FOXO4: variants seen among roughly 807,000 people sequenced by gnomAD.
FOXO4 encodes forkhead box protein O4.
FOXO4 carries 3 observed loss-of-function variants against 20.8 expected under a neutral mutation model. That is an observed-to-expected ratio of 0.14 (90% CI 0.07 to 0.37). The LOEUF (loss-of-function observed/expected upper bound fraction) is 0.37, where lower values mean the gene tolerates loss of function less well. Ranked by LOEUF, FOXO4 falls within the 10% of genes least tolerant of loss-of-function variation. The pLI is 1.00. For missense variants in FOXO4, 309 were observed against 431.9 expected (o/e 0.72, Z 2.52); for synonymous variants, 158 against 180.0 (o/e 0.88, Z 0.98).
chrX:71,102,290 G>A lies in FOXO4; in HGVS notation c.*206G>A. 4.5e-6 allele frequency: 2 copies of A among 446,321 alleles called. No homozygotes were observed. The highest frequency in any genetic ancestry group is 3.4e-5 in the South Asian group (1 of 28,990). The allele number at this position is 446,321 out of a possible 1,213,427, so 36.8% of individuals were successfully genotyped here. A position where few individuals can be genotyped will look rare whatever the true frequency, so the allele number is the denominator to read the frequency against. ...TGGGGAGGGAGATGGGAGGGGAAAGGGGAGAGGGTTTTTCTCACTGTGCCA... is the reference window on the plus strand; with the variant it reads ...TGGGGAGGGAGATGGGAGGGGAAAGAGGAGAGGGTTTTTCTCACTGTGCCA... On this transcript the variant is annotated 3_prime_UTR_variant, in exon 3 of 3. Coordinates refer to ENST00000374259, the MANE Select transcript of FOXO4 (RefSeq NM_005938.4).
In FOXO4 at chrX:71,101,109, A is replaced by G; in HGVS notation, c.879A>G (p.Ala293=). The G allele has an allele frequency of 8.3e-7, 1 of 1,211,553 alleles. No homozygotes were observed. The highest frequency in any genetic ancestry group is 1.1e-6 in the Non-Finnish European group (1 of 895,304). The change falls in exon 2 of 3, where the codon GCA becomes GCG. Residue 293 remains alanine, a synonymous_variant. Transcript: ENST00000374259. Reference sequence around the variant, plus strand: ...TACCAGCTTCAGTCAGCAGTTATGCAGGGGGTGTCCCTCCCACCCTCAATG... The same window carrying G: ...TACCAGCTTCAGTCAGCAGTTATGCGGGGGGTGTCCCTCCCACCCTCAATG... ...EEIPASVSSY[A]GGVPPTLNEG...
chrX:71,102,149 T>TA lies in FOXO4; in HGVS notation c.*66dup, dbSNP rs2092233376. On this transcript the variant is annotated 3_prime_UTR_variant, in exon 3 of 3. Coordinates refer to ENST00000374259, the MANE Select transcript of FOXO4 (RefSeq NM_005938.4). ...GCCAGGCGTGTTCATATCTACTCTT[T>TA]ACCCTTGAGCCCTCCCCAGGAATTT... 8.9e-7 allele frequency: 1 copy of TA among 1,120,372 alleles called. No individual in the cohort carries two copies. The allele number at this position is 1,120,372 out of a possible 1,213,427, so 92.3% of individuals were successfully genotyped here.
Position 71,101,022 on chromosome X carries a change from C to T in FOXO4, c.792C>T (p.Ala264=). ...TTFRPRSSSN[A]SSVSTRLSPL... is the part of the protein sequence containing the mutation. ...TCCGTCCACGAAGCAGTTCAAATGC[C>T]AGCAGTGTCAGCACCCGGCTGTCCC... The change falls in exon 2 of 3, where the codon GCC becomes GCT. Residue 264 remains alanine, a synonymous_variant. Coordinates refer to ENST00000374259, the MANE Select transcript of FOXO4 (RefSeq NM_005938.4). 1 of 1,211,187 alleles carries T rather than the reference C, an allele frequency of 8.3e-7. No homozygotes were observed. Among genetic ancestry groups the T allele is most frequent in the Non-Finnish European group, 1.1e-6 (1 of 895,104 alleles).
chrX:71,098,099 G>T (rs1442369919), intron 1 of FOXO4, among the ~76,000 whole-genome samples: 1 of 111,634 alleles, frequency 9.0e-6, no homozygotes, highest in Non-Finnish European at 1.9e-5. Flanking sequence ...TTTTCCCTTA[G>T]GTTCATTTTC....
rs1012896625 is a variant in FOXO4, at chrX:71,096,277, C to T, written c.-252C>T. 1.7e-5 allele frequency: 7 copies of T among 419,012 alleles called. No individual in the cohort carries two copies. The highest frequency in any genetic ancestry group is 2.9e-5 in the Non-Finnish European group (7 of 241,304). The allele number at this position is 419,012 out of a possible 1,213,427, so 34.5% of individuals were successfully genotyped here. A position where few individuals can be genotyped will look rare whatever the true frequency, so the allele number is the denominator to read the frequency against. On this transcript the variant is annotated 5_prime_UTR_variant, in exon 1 of 3. Transcript: ENST00000374259. ...AGGTTGCAGAAAAAGTGTCTTCGCT[C>T]GGCAGAGGTTACAGGTGGCATCTCA...
chrX:71,101,620 G>T lies in FOXO4; in HGVS notation c.1390G>T (p.Asp464Tyr), dbSNP rs1215480660. Residue 464 changes from aspartate (D) to tyrosine (Y), a missense_variant, in exon 2 of 3, where the codon GAC (aspartate) becomes TAC (tyrosine). Coordinates refer to ENST00000374259, the MANE Select transcript of FOXO4 (RefSeq NM_005938.4). ...LTPPTEAASQ[D>Y]RMPQDLDLDM... ...ACCCCCTACTGAAGCTGCAAGCCAA[G>T]ACAGAATGCCTCAGGATCTAGATCT... The T allele has an allele frequency of 8.3e-7, 1 of 1,210,020 alleles. No homozygotes were observed. Among genetic ancestry groups the T allele is most frequent in the Non-Finnish European group, 1.1e-6 (1 of 894,882 alleles).
chrX:71,098,591 C>T (rs760242249), intron 1 of FOXO4, among the ~76,000 whole-genome samples: 7 of 112,061 alleles, frequency 6.2e-5, no homozygotes, highest in Non-Finnish European at 1.1e-4. Context: ...ACCACCCTGC[C>T]CTCCAACATG....
chrX:71,098,960 T>C (rs763505581), intron 1 of FOXO4, among the ~76,000 whole-genome samples: 4 of 110,944 alleles, frequency 3.6e-5, no homozygotes, highest in Non-Finnish European at 3.8e-5. Context: ...CAGGCAAAGG[T>C]GCTCCTTATC....
At chrX:71,098,153 A>G (rs1602282075) in intron 1 of FOXO4, among the ~76,000 whole-genome samples, 1 of 111,408 alleles carries the variant, frequency 9.0e-6, no homozygotes, top group Non-Finnish European at 1.9e-5. Flanking sequence ...TTGTGGGAGT[A>G]TAGTCCGTCC....
Position 71,096,163 on chromosome X carries a change from A to C in FOXO4, c.-366A>C. The C allele has an allele frequency of 1.4e-5, 3 of 209,814 alleles. No homozygotes were observed. Among genetic ancestry groups the C allele is most frequent in the Non-Finnish European group, 1.7e-5 (2 of 116,262 alleles). 17.3% of individuals were successfully genotyped at this position (209,814 alleles called of 1,213,427 possible). On this transcript the variant is annotated 5_prime_UTR_variant, in exon 1 of 3. Coordinates refer to ENST00000374259, the MANE Select transcript of FOXO4 (RefSeq NM_005938.4). Reference sequence around the variant, plus strand: ...GGCAGCAACTTAAAAGGGGGAGGGAACTGCGGCTAAGGAGACGTTCGGTGA... The same window carrying C: ...GGCAGCAACTTAAAAGGGGGAGGGACCTGCGGCTAAGGAGACGTTCGGTGA...
chrX:71,102,061 T>C lies in FOXO4; in HGVS notation c.1511-16T>C. The stretch of plus-strand genomic sequence containing the variant: ...GGTAAGCCTCTTACCTTGTTCTCTG[T>C]TTCTTCTTCCCACAGATCCCTGAGT... On this transcript the variant is annotated splice_polypyrimidine_tract_variant and intron_variant, in intron 2 of 2. Coordinates refer to ENST00000374259, the MANE Select transcript of FOXO4 (RefSeq NM_005938.4). 3.3e-6 allele frequency: 4 copies of C among 1,209,290 alleles called. No individual in the cohort carries two copies. The highest frequency in any genetic ancestry group is 4.5e-6 in the Non-Finnish European group (4 of 893,828).
At chrX:71,100,189 G>A (rs1275581774) in intron 1 of FOXO4, among the ~76,000 whole-genome samples, 1 of 39,756 alleles carries the variant, frequency 2.5e-5, no homozygotes, top group African/African-American at 9.8e-5. Flanking sequence ...CCCACCCCCC[G>A]CAAAACACAC....
chrX:71,100,788 G>A lies in FOXO4; in HGVS notation c.558G>A (p.Lys186=). Residue 186 remains lysine (K), a synonymous_variant, in exon 2 of 3, where the codon AAG becomes AAA. Coordinates refer to ENST00000374259, the MANE Select transcript of FOXO4 (RefSeq NM_005938.4). ...GGATGCTGAACCCTGAGGGAGGCAA[G>A]AGCGGCAAAGCCCCCCGCCGCCGGG... is the stretch of plus-strand genomic sequence containing the variant. ...SWWMLNPEGG[K]SGKAPRRRAA... is the part of the protein sequence containing the mutation. The A allele has an allele frequency of 1.7e-6, 2 of 1,211,190 alleles. No individual in the cohort carries two copies. Among genetic ancestry groups the A allele is most frequent in the Non-Finnish European group, 2.2e-6 (2 of 895,113 alleles).
intron 1 of FOXO4, among the ~76,000 whole-genome samples, chrX:71,097,619 A>G (rs1284684310): frequency 8.9e-6 from 1 of 112,046 alleles, no homozygotes; most frequent in Non-Finnish European, 1.9e-5. Flanking sequence ...TCTCCCTTGT[A>G]AGGGGCTATC....
chrX:71,100,359 C>A (rs1392935655), intron 1 of FOXO4, among the ~76,000 whole-genome samples: 4 of 109,889 alleles, frequency 3.6e-5, no homozygotes, highest in Admixed American at 9.6e-5. Context: ...TGTGTGTGGT[C>A]TCCCCTCACA....
rs772112578 is a variant in FOXO4, at chrX:71,101,433, G to A, written c.1203G>A (p.Gly401=). 5.0e-6 allele frequency: 6 copies of A among 1,211,496 alleles called. No individual in the cohort carries two copies. The highest frequency in any genetic ancestry group is 3.5e-5 in the South Asian group (2 of 56,984). Residue 401 remains glycine, a synonymous_variant, in exon 2 of 3, where the codon GGG becomes GGA. Transcript: ENST00000374259. ...CTCCGACTCTTCTGTTGCTGGGGGG[G>A]CTTCCTTCCTCCAGTAAGCTGGCCA... ...SQAPTLLLLG[G]LPSSSKLATG... is the part of the protein sequence containing the mutation.
chrX:71,099,480 G>A (rs1322513596), intron 1 of FOXO4: 2 of 111,901 alleles, frequency 1.8e-5, no homozygotes, highest in Non-Finnish European at 3.8e-5. Flanking sequence ...TGTACTGTGA[G>A]CTTGAGTAGG....
At position 71,100,738 on chromosome X, in the gene FOXO4, G is replaced by A. The variant is rs373362601; in HGVS notation, c.508G>A (p.Glu170Lys). 5.0e-6 allele frequency: 6 copies of A among 1,205,439 alleles called. No individual in the cohort carries two copies. Among genetic ancestry groups the A allele is most frequent in the Admixed American group, 2.2e-5 (1 of 45,281 alleles). The change falls in exon 2 of 3, where the codon GAG (glutamate) becomes AAG (lysine). Residue 170 changes from glutamate (E) to lysine (K), a missense_variant. Transcript: ENST00000374259. ...LHSKFIKVHN[E>K]ATGKSSWWML... ...CAGCAAGTTCATCAAGGTTCACAAC[G>A]AGGCCACCGGCAAAAGCTCTTGGTG...
chrX:71,100,254 C>A (rs1389157667), intron 1 of FOXO4, among the ~76,000 whole-genome samples: 1 of 107,274 alleles, frequency 9.3e-6, no homozygotes, highest in African/African-American at 3.4e-5. Flanking sequence ...GGGCATCCCC[C>A]GTGCTCTCTG....
Sources: gnomAD v4.1 joint callset for allele counts (sites outside exome capture counted in the v4.1 genomes callset) on GRCh38, gnomAD v4.1.1 for gene constraint, MANE v1.5 for transcripts, NCBI Gene and HGNC (gene_info 2026-07-23, HGNC 2026-07-21) for gene names.